Variants in TFEC observed in about 807,000 individuals in gnomAD.
The protein encoded by TFEC is transcription factor EC, also known as class E basic helix-loop-helix protein 34.
A neutral mutation model predicts 41.6 loss-of-function variants in TFEC; 31 were observed. That is an observed-to-expected ratio of 0.74 (90% CI 0.56 to 1.01). TFEC has a LOEUF of 1.01. Among genes scored for constraint, TFEC ranks in the 50% least tolerant of loss-of-function variants. TFEC has a pLI of 0.00. For synonymous variants in TFEC, 143 were observed against 140.6 expected, an observed-to-expected ratio of 1.02 and a Z score of -0.12; for missense variants, 402 against 404.1, an observed-to-expected ratio of 0.99 and a Z score of 0.04.
chr7:116,125,961 G>A (rs1383395049), intron 1 of TFEC, among the ~76,000 whole-genome samples: 1 of 152,164 alleles, frequency 6.6e-6, no homozygotes, highest in Non-Finnish European at 1.5e-5. Flanking sequence ...GGACAGCAAG[G>A]AGAGCCACCC....
At chr7:116,127,444 T>C (rs149448408) in intron 1 of TFEC, among the ~76,000 whole-genome samples, 1 of 152,310 alleles carries the variant, frequency 6.6e-6, no homozygotes, top group East Asian at 1.9e-4. Flanking sequence ...GAATAATTTG[T>C]TTACTTTTAC....
intron 1 of TFEC, among the ~76,000 whole-genome samples, chr7:116,150,061 AGTTT>A (rs10539503): frequency 0.28 from 42,911 of 151,902 alleles, 6,033 homozygotes; most frequent in East Asian, 0.36. Context: ...GAAATTGAGA[AGTTT>A]GTTTCTGTTG....
chr7:116,001,707 G>C (rs1422414284), intron 1 of TFEC, among the ~76,000 whole-genome samples: 1 of 152,050 alleles, frequency 6.6e-6, no homozygotes, highest in Admixed American at 6.6e-5. Context: ...AAAGTGAAGA[G>C]ACAACCCATT....
intron 2 of TFEC, among the ~76,000 whole-genome samples, chr7:115,975,433 T>C (rs1374276771): frequency 6.6e-6 from 1 of 152,202 alleles, no homozygotes. Flanking sequence ...CTATTGATGT[T>C]ATCTTCAAAG....
At chr7:115,948,175 A>C (rs1349836212) in intron 6 of TFEC, among the ~76,000 whole-genome samples, 1 of 151,936 alleles carries the variant, frequency 6.6e-6, no homozygotes, top group Non-Finnish European at 1.5e-5. Flanking sequence ...GAATAGACCA[A>C]TAACAGGAGC....
At chr7:115,974,322 CAGAG>C (rs1157879931) in intron 2 of TFEC, 66 bp from the exon 3 acceptor site, 9 of 1,258,168 alleles carry the variant, frequency 7.2e-6, no homozygotes, top group South Asian at 4.3e-5. Flanking sequence ...AGTCTGAAAA[CAGAG>C]AGAAAAATTC....
At chr7:116,085,103 G>T in intron 3 of TFEC, among the ~76,000 whole-genome samples, 1 of 151,962 alleles carries the variant, frequency 6.6e-6, no homozygotes, top group Non-Finnish European at 1.5e-5. Context: ...GAGCAGGGCA[G>T]AAGGAACAGC....
At chr7:115,954,757 CAAT>C (rs1792133323) in intron 4 of TFEC, 115 bp from the exon 5 acceptor site, 1 of 738,548 alleles carries the variant, frequency 1.4e-6, no homozygotes, top group Non-Finnish European at 2.1e-6. Flanking sequence ...CAAAACGGTA[CAAT>C]AATATTTTTG....
chr7:115,984,618 A>G (rs1793773977), intron 1 of TFEC, 105 bp from the exon 2 acceptor site: 10 of 1,318,978 alleles, frequency 7.6e-6, no homozygotes, highest in Non-Finnish European at 9.2e-6. Flanking sequence ...ACACTATAGC[A>G]TCTAGTTTCT....
intron 3 of TFEC, among the ~76,000 whole-genome samples, chr7:115,956,996 C>T (rs111290594): frequency 0.026 from 4,003 of 151,596 alleles, 68 homozygotes; most frequent in Non-Finnish European, 0.038. Flanking sequence ...ATAAGATGCG[C>T]TGAAAAAAAG....
At position 115,974,406 on chromosome 7, in the gene TFEC, TTA is replaced by T. The variant is rs572119521; in HGVS notation, c.181-152_181-151del. 4.9e-3 allele frequency: 321 copies of T among 64,986 alleles called. 3 individuals carry two copies. Among genetic ancestry groups the T allele is most frequent in the Middle Eastern group, 0.015 (2 of 132 alleles). 4.0% of individuals were successfully genotyped at this position (64,986 alleles called of 1,614,324 possible). A position where few individuals can be genotyped will look rare whatever the true frequency, so the allele number is the denominator to read the frequency against. On this transcript the variant is annotated intron_variant, in intron 2 of 7. Transcript: ENST00000265440. The stretch of plus-strand genomic sequence containing the variant: ...TATACATATATATAAAACCTCAATA[TTA>T]TATATATATATATATATATATATAT...
chr7:116,156,137 T>C lies in TFEC; in HGVS notation c.-69+3653A>G, dbSNP rs1289798980. 2.6e-5 allele frequency among the ~76,000 whole-genome samples: 4 copies of C among 152,186 alleles called. No homozygotes were observed. In the East Asian group the frequency reaches 7.7e-4, roughly 29 times the overall value. ...TCCCTTAAAGAATCTTAGCCTGTGC[T>C]GACAGCAGAGTGGGACACTTATGTC... is the stretch of plus-strand genomic sequence containing the variant. On this transcript the variant is annotated intron_variant, in intron 1 of 8. Coordinates refer to the TFEC transcript ENST00000484212.
intron 1 of TFEC, among the ~76,000 whole-genome samples, chr7:116,122,092 G>C (rs945250277): frequency 1.3e-5 from 2 of 152,040 alleles, no homozygotes; most frequent in Non-Finnish European, 2.9e-5. Flanking sequence ...CACTGAAATT[G>C]TAATTGTTGT....
rs112942602 is a variant in TFEC, at chr7:116,142,462, C to T, written c.-69+17328G>A. Reference sequence around the variant, plus strand: ...TACAATTGTACTGTATGACTCCCACCGCATTTGCAACAATTAAGTGCAGCA... The same window carrying T: ...TACAATTGTACTGTATGACTCCCACTGCATTTGCAACAATTAAGTGCAGCA... On this transcript the variant is annotated intron_variant, in intron 1 of 8. Transcript: ENST00000484212. Among the ~76,000 whole-genome samples, 335 of 152,222 alleles carry T rather than the reference C, an allele frequency of 2.2e-3. 1 individual carries two copies. Among genetic ancestry groups the T allele is most frequent in the African/African-American group, 7.7e-3 (320 of 41,536 alleles).
At position 116,158,160 on chromosome 7, in the gene TFEC, A is replaced by C. The variant is rs117968527; in HGVS notation, c.-69+1630T>G. On this transcript the variant is annotated intron_variant, in intron 1 of 8. Coordinates refer to the TFEC transcript ENST00000484212. ...CCCAAACTTTTGTTTTTGAAAACTT[A>C]ACACATTTTTGGAAGAGGCATTCTC... Among the ~76,000 whole-genome samples, 1,205 of 152,238 alleles carry C rather than the reference A, an allele frequency of 7.9e-3. 15 individuals carry two copies. The highest frequency in any genetic ancestry group is 0.013 in the South Asian group (63 of 4,834).
chr7:116,157,982 G>A (rs1798902968), intron 1 of TFEC, among the ~76,000 whole-genome samples: 1 of 152,100 alleles, frequency 6.6e-6, no homozygotes, highest in African/African-American at 2.4e-5. Flanking sequence ...TACAATTCAT[G>A]CAGATACACA....
At chr7:115,980,358 G>A (rs1345409814) in intron 2 of TFEC, among the ~76,000 whole-genome samples, 1 of 152,176 alleles carries the variant, frequency 6.6e-6, no homozygotes, top group Non-Finnish European at 1.5e-5. Context: ...AGAAGAAAGA[G>A]GAAGAACTGA....
chr7:116,076,274 T>G (rs1262512136), intron 3 of TFEC, among the ~76,000 whole-genome samples: 2 of 152,084 alleles, frequency 1.3e-5, no homozygotes, highest in Non-Finnish European at 2.9e-5. Flanking sequence ...ATCTGAACAG[T>G]AGCCCTTGAG....
At chr7:116,050,639 A>C (rs1796286274) in intron 3 of TFEC, among the ~76,000 whole-genome samples, 2 of 152,306 alleles carry the variant, frequency 1.3e-5, no homozygotes, top group South Asian at 4.2e-4. Flanking sequence ...TTAAAAAGTC[A>C]AGAAACAACA....
Sources: gnomAD v4.1 joint callset for allele counts (sites outside exome capture counted in the v4.1 genomes callset) on GRCh38, gnomAD v4.1.1 for gene constraint, MANE v1.5 for transcripts, NCBI Gene and HGNC (gene_info 2026-07-23, HGNC 2026-07-21) for gene names.